The following SLC4A7 variants were observed in gnomAD, a reference collection of about 807,000 sequenced individuals.
The protein encoded by SLC4A7 is solute carrier family 4 member 7.
SLC4A7 carries 51 observed loss-of-function variants against 137.6 expected under a neutral mutation model. The observed-to-expected ratio is 0.37, with a 90% CI of 0.30 to 0.47. SLC4A7 has a LOEUF of 0.47. Ranked by LOEUF, SLC4A7 falls within the 20% of genes least tolerant of loss-of-function variation. The probability of loss-of-function intolerance (pLI) is 1.00; values close to 1 mark genes in which losing one functional copy is unlikely to be tolerated. For missense variants in SLC4A7, 1,247 were observed against 1,525.4 expected (o/e 0.82, Z 3.04); for synonymous variants, 542 against 518.6 (o/e 1.05, Z -0.61).
chr3:27,383,574 AC>A (rs1485846390), intron 23 of SLC4A7, among the ~76,000 whole-genome samples: 1 of 152,174 alleles, frequency 6.6e-6, no homozygotes, highest in Non-Finnish European at 1.5e-5. Flanking sequence ...ATTCTGTGAA[AC>A]CTTATCACAA....
intron 18 of SLC4A7, among the ~76,000 whole-genome samples, chr3:27,395,744 T>TA (rs1017705129): frequency 5.1e-4 from 78 of 152,348 alleles, no homozygotes; most frequent in African/African-American, 1.9e-3. Flanking sequence ...AAAGGGCTGT[T>TA]ATTCAAAAGT....
At chr3:27,421,475 G>T in intron 9 of SLC4A7, 147 bp downstream of exon 9, 2 of 709,342 alleles carry the variant, frequency 2.8e-6, no homozygotes, top group Non-Finnish European at 4.4e-6. Flanking sequence ...CAGCCTGGAT[G>T]ACAAAGTGAG....
intron 1 of SLC4A7, among the ~76,000 whole-genome samples, chr3:27,466,859 G>GA (rs202213796): frequency 6.6e-5 from 10 of 151,070 alleles, no homozygotes; most frequent in Admixed American, 2.0e-4. Flanking sequence ...TCCATCTCAA[G>GA]AAAAAAAAAA....
chr3:27,378,559 G>A (rs1006684973), intron 25 of SLC4A7, among the ~76,000 whole-genome samples: 2 of 152,142 alleles, frequency 1.3e-5, no homozygotes, highest in Non-Finnish European at 2.9e-5. Context: ...AAAGAAAAAA[G>A]GTTACATAAC....
chr3:27,463,163 C>G (rs2058788596), intron 1 of SLC4A7, among the ~76,000 whole-genome samples: 1 of 152,186 alleles, frequency 6.6e-6, no homozygotes, highest in Non-Finnish European at 1.5e-5. Context: ...CGCGGTGGCT[C>G]ACGCCTGTAA....
intron 20 of SLC4A7, among the ~76,000 whole-genome samples, chr3:27,392,938 TAA>T (rs1271516912): frequency 6.6e-6 from 1 of 152,134 alleles, no homozygotes; most frequent in African/African-American, 2.4e-5. Context: ...ATAATTTTCA[TAA>T]GACTGAAGAC....
intron 14 of SLC4A7, among the ~76,000 whole-genome samples, chr3:27,403,789 T>C (rs1225207251): frequency 2.6e-5 from 4 of 152,120 alleles, no homozygotes; most frequent in Non-Finnish European, 5.9e-5. Flanking sequence ...ATCATATGTA[T>C]CAATACAGTA....
chr3:27,448,216 C>CA (rs34846975), intron 3 of SLC4A7, among the ~76,000 whole-genome samples: 29,875 of 104,114 alleles, frequency 0.29, 4,178 homozygotes, highest in Non-Finnish European at 0.35. Context: ...GACTCCATCT[C>CA]AAAAAAAAAA....
At chr3:27,465,084 G>C (rs1006853926) in intron 1 of SLC4A7, among the ~76,000 whole-genome samples, 1 of 152,002 alleles carries the variant, frequency 6.6e-6, no homozygotes, top group African/African-American at 2.4e-5. Flanking sequence ...GATTGCCTGA[G>C]CTCTGGGGTT....
At chr3:27,386,920 T>C (rs548911087) in intron 22 of SLC4A7, among the ~76,000 whole-genome samples, 1 of 152,302 alleles carries the variant, frequency 6.6e-6, no homozygotes, top group African/African-American at 2.4e-5. Context: ...GCTTCCAGTA[T>C]ACATTTAAAT....
At chr3:27,435,219 T>G (rs1310616611) in intron 5 of SLC4A7, among the ~76,000 whole-genome samples, 7 of 152,244 alleles carry the variant, frequency 4.6e-5, no homozygotes, top group Non-Finnish European at 1.5e-5. Context: ...AGTCCCACCA[T>G]CAAATTCATT....
intron 1 of SLC4A7, among the ~76,000 whole-genome samples, chr3:27,474,280 CATTT>C (rs1456941988): frequency 6.6e-6 from 1 of 152,136 alleles, no homozygotes; most frequent in Non-Finnish European, 1.5e-5. Context: ...ACTGTCATTT[CATTT>C]GTTATCAATA....
chr3:27,409,860 C>G (rs1421750864), intron 12 of SLC4A7, among the ~76,000 whole-genome samples: 1 of 152,146 alleles, frequency 6.6e-6, no homozygotes, highest in Non-Finnish European at 1.5e-5. Flanking sequence ...CCCAACAACC[C>G]ATTTATGAAA....
chr3:27,442,044 CTAAT>C (rs2057239539), intron 3 of SLC4A7, among the ~76,000 whole-genome samples: 3 of 151,832 alleles, frequency 2.0e-5, no homozygotes, highest in South Asian at 4.2e-4. Context: ...CCACACCTGG[CTAAT>C]TATTTTTAGT....
intron 5 of SLC4A7, among the ~76,000 whole-genome samples, chr3:27,435,416 T>A (rs1388459973): frequency 6.6e-6 from 1 of 152,178 alleles, no homozygotes; most frequent in Non-Finnish European, 1.5e-5. Flanking sequence ...CCTACTTGCT[T>A]CTAAACTCTT....
chr3:27,410,756 T>C lies in SLC4A7; in HGVS notation c.1766+886A>G, dbSNP rs150678681. On this transcript the variant is annotated intron_variant, in intron 12 of 25. Transcript: ENST00000454389. ...ATAATAGCTAATAATACAACAGTAC[T>C]GTTCACACAGGGTCAAAATCTTTTC... is the stretch of plus-strand genomic sequence containing the variant. Among the ~76,000 whole-genome samples the C allele has an allele frequency of 8.5e-5, 13 of 152,322 alleles. No individual in the cohort carries two copies. The East Asian group carries it at 2.5e-3, about 29-fold the overall frequency.
intron 3 of SLC4A7, among the ~76,000 whole-genome samples, chr3:27,446,887 TTTTTTTG>T (rs1559791730): frequency 0.1 from 9,366 of 92,470 alleles, 595 homozygotes; most frequent in South Asian, 0.16. Flanking sequence ...TTTTTTTTGT[TTTTTTTG>T]TTTTTTTTAA....
chr3:27,448,776 C>T lies in SLC4A7; in HGVS notation c.164G>A (p.Gly55Asp). 1 of 1,611,850 alleles carries T rather than the reference C, an allele frequency of 6.2e-7. No individual in the cohort carries two copies. Among genetic ancestry groups the T allele is most frequent in the Non-Finnish European group, 8.5e-7 (1 of 1,179,042 alleles). ...ELESHRAVYI[G>D]VHVPFSKESR... The stretch of plus-strand genomic sequence containing the variant: ...CTCTTTACTAAACGGGACGTGAACA[C>T]CAATATATACAGCTCTATGACCTAT... Residue 55 changes from glycine (G) to aspartate (D), a missense_variant, in exon 3 of 26, where the codon GGT (glycine) becomes GAT (aspartate). By Grantham distance (94) the Gly-to-Asp change is moderately conservative. Around this residue, in one of 6 missense-constraint regions of SLC4A7, gnomAD observed 176 missense variants for 186.4 expected, o/e 0.94. Transcript: ENST00000454389.
At position 27,404,897 on chromosome 3, in the gene SLC4A7, G is replaced by C; in HGVS notation, c.2008C>G (p.Pro670Ala). 1 of 1,610,486 alleles carries C rather than the reference G, an allele frequency of 6.2e-7. No individual in the cohort carries two copies. Among genetic ancestry groups the C allele is most frequent in the Non-Finnish European group, 8.5e-7 (1 of 1,178,534 alleles). ...GIAYSLFAGQ[P>A]LTILGSTGPV... is the part of the protein sequence containing the mutation. ...CCTGTGCTCCCCAATATTGTTAGAG[G>C]TTGCCCAGCAAACAATGAATAGGCA... The change falls in exon 14 of 26, where the codon CCT becomes GCT. Residue 670 changes from proline to alanine, a missense_variant. Transcript: ENST00000454389.
Sources: gnomAD v4.1 joint callset for allele counts (sites outside exome capture counted in the v4.1 genomes callset) on GRCh38, gnomAD v4.1.1 for gene constraint, gnomAD v4.1.1 regional missense constraint, MANE v1.5 for transcripts, NCBI Gene and HGNC (gene_info 2026-07-23, HGNC 2026-07-21) for gene names.